Variants in HLCS observed in about 807,000 individuals in gnomAD.
The protein encoded by HLCS is holocarboxylase synthetase, also known as biotin--protein ligase.
HLCS carries 53 observed loss-of-function variants against 75.0 expected under a neutral mutation model. The ratio of observed to expected loss-of-function variants is 0.71; its 90% CI spans 0.57 to 0.89. The LOEUF (loss-of-function observed/expected upper bound fraction) is 0.89, where lower values mean the gene tolerates loss of function less well. HLCS is among the 40% of genes least tolerant of loss of function. HLCS has a pLI of 0.00. For synonymous variants in HLCS, 431 were observed against 428.6 expected, an observed-to-expected ratio of 1.01 and a Z score of -0.07; for missense variants, 966 against 1,074.0, an observed-to-expected ratio of 0.90 and a Z score of 1.41.
At chr21:36,893,177 TCTC>T (rs756357700) in intron 6 of HLCS, among the ~76,000 whole-genome samples, 5 of 152,040 alleles carry the variant, frequency 3.3e-5, no homozygotes, top group African/African-American at 4.8e-5. Context: ...TTCAAGCAAT[TCTC>T]CTGCCTCAGC....
rs1429564186 is a variant in HLCS at position 36,879,785 on chromosome 21, CT to C, written c.1892+17074del. The stretch of plus-strand genomic sequence containing the variant: ...GTTAGCCAAGCATGGTGGCACGCGC[CT>C]GTAGTCCCAGCTACTCAAGAGGCTG... On this transcript the variant is annotated intron_variant, in intron 6 of 10. Transcript: ENST00000674895. Among the ~76,000 whole-genome samples, 6 of 152,234 alleles carry C rather than the reference CT, an allele frequency of 3.9e-5. No individual in the cohort carries two copies. The East Asian group carries it at 9.7e-4, about 25-fold the overall frequency.
At position 36,751,203 on chromosome 21, in the gene HLCS, T is replaced by C. The variant is rs539444862; in HGVS notation, c.*3043A>G. Reference sequence around the variant, plus strand: ...GAGGGAGCCCAAACCACATAGAAAGTCTTAGTTTATTTTGGTAGACTTGCT... The same window carrying C: ...GAGGGAGCCCAAACCACATAGAAAGCCTTAGTTTATTTTGGTAGACTTGCT... On this transcript the variant is annotated 3_prime_UTR_variant, in exon 11 of 11. Coordinates refer to ENST00000674895, the MANE Select transcript of HLCS (RefSeq NM_001352514.2). 2 of 152,644 alleles carry C rather than the reference T, an allele frequency of 1.3e-5. No individual in the cohort carries two copies. Among genetic ancestry groups the C allele is most frequent in the Non-Finnish European group, 2.9e-5 (2 of 67,998 alleles). The allele number at this position is 152,644 out of a possible 1,614,324, so 9.5% of individuals were successfully genotyped here.
At chr21:36,954,430 T>A (rs554078371) in intron 2 of HLCS, among the ~76,000 whole-genome samples, 4 of 151,278 alleles carry the variant, frequency 2.6e-5, no homozygotes, top group Admixed American at 2.6e-4. Flanking sequence ...CTGGCTAACA[T>A]GGTGAAACCC....
At chr21:36,852,641 A>G (rs2063050238) in intron 6 of HLCS, among the ~76,000 whole-genome samples, 2 of 152,178 alleles carry the variant, frequency 1.3e-5, no homozygotes, top group Admixed American at 6.5e-5. Context: ...AGAGCCCAGC[A>G]CACCTCTCAG....
intron 6 of HLCS, among the ~76,000 whole-genome samples, chr21:36,872,557 T>C (rs980610329): frequency 1.3e-5 from 2 of 152,214 alleles, no homozygotes; most frequent in Admixed American, 6.5e-5. Context: ...TCTCCCACCA[T>C]AGATTAGATG....
intron 6 of HLCS, among the ~76,000 whole-genome samples, chr21:36,846,465 T>A (rs1203779482): frequency 2.6e-5 from 4 of 152,270 alleles, no homozygotes; most frequent in African/African-American, 9.6e-5. Flanking sequence ...TTCCCCTGAA[T>A]GTTTCTATTT....
rs2066592190 is a variant in HLCS, at chr21:36,930,497, CTTT to C, written c.1438-67_1438-65del. On this transcript the variant is annotated intron_variant, in intron 4 of 10. Coordinates refer to ENST00000674895, the MANE Select transcript of HLCS (RefSeq NM_001352514.2). Reference sequence around the variant, plus strand: ...TCACAGGCAATGAGAAAAACAGTTTCTTTTTTCTTTTTCTTTTTTTTTTTAAAT... The same window carrying C: ...TCACAGGCAATGAGAAAAACAGTTTCTTTCTTTTTCTTTTTTTTTTTAAAT... 7.5e-6 allele frequency: 10 copies of C among 1,327,084 alleles called. No individual in the cohort carries two copies. In the East Asian group the frequency reaches 2.3e-4, roughly 31 times the overall value. 82.2% of individuals were successfully genotyped at this position (1,327,084 alleles called of 1,614,324 possible).
chr21:36,914,136 G>C (rs2065831526), intron 5 of HLCS, among the ~76,000 whole-genome samples: 1 of 152,228 alleles, frequency 6.6e-6, no homozygotes, highest in Non-Finnish European at 1.5e-5. Context: ...GAAACATCCA[G>C]AGTTAGGAGC....
chr21:36,964,681 CG>C (rs2068474801), intron 1 of HLCS, among the ~76,000 whole-genome samples: 1 of 152,280 alleles, frequency 6.6e-6, no homozygotes, highest in East Asian at 1.9e-4. Context: ...ACTCCTACTC[CG>C]GCCTGCACAG....
chr21:36,764,137 G>A (rs537709639), intron 8 of HLCS, among the ~76,000 whole-genome samples: 68 of 152,344 alleles, frequency 4.5e-4, no homozygotes, highest in Admixed American at 1.6e-3. Context: ...GGTGGCTCAC[G>A]CCTGTAATCC....
chr21:36,763,250 C>T (rs1376863876), intron 8 of HLCS, among the ~76,000 whole-genome samples: 3 of 152,130 alleles, frequency 2.0e-5, no homozygotes, highest in Non-Finnish European at 2.9e-5. Context: ...GTCTCAAACT[C>T]CTGCCCTCCT....
intron 6 of HLCS, among the ~76,000 whole-genome samples, chr21:36,894,201 T>C (rs1010538094): frequency 5.3e-5 from 8 of 152,142 alleles, no homozygotes; most frequent in African/African-American, 1.9e-4. Flanking sequence ...TCTGCAACGA[T>C]TGTAAGTTTC....
chr21:36,914,435 C>A (rs1343073088), intron 5 of HLCS, among the ~76,000 whole-genome samples: 1 of 152,208 alleles, frequency 6.6e-6, no homozygotes, highest in East Asian at 1.9e-4. Context: ...ATGCCTGGGA[C>A]ACAGTAGGCA....
At chr21:36,903,322 C>A (rs2065316251) in intron 5 of HLCS, among the ~76,000 whole-genome samples, 1 of 152,150 alleles carries the variant, frequency 6.6e-6, no homozygotes, top group African/African-American at 2.4e-5. Context: ...AACCTCAAAT[C>A]TGGCCATTAG....
intron 6 of HLCS, among the ~76,000 whole-genome samples, chr21:36,860,356 C>A (rs987851459): frequency 2.6e-5 from 4 of 151,880 alleles, no homozygotes; most frequent in East Asian, 1.9e-4. Flanking sequence ...CAGGAAGCCA[C>A]ACCCCTCCAG....
chr21:36,932,011 G>A (rs1569209493), intron 4 of HLCS, among the ~76,000 whole-genome samples: 2 of 152,164 alleles, frequency 1.3e-5, no homozygotes, highest in Non-Finnish European at 1.5e-5. Context: ...CTGAGCAAGT[G>A]TGAGTACGGG....
intron 1 of HLCS, among the ~76,000 whole-genome samples, chr21:36,989,401 G>A (rs2069296729): frequency 6.9e-6 from 1 of 144,050 alleles, no homozygotes; most frequent in Non-Finnish European, 1.5e-5. Context: ...TCAGCTCACT[G>A]CAACCTCCAC....
At chr21:36,844,435 T>C (rs752682305) in intron 6 of HLCS, among the ~76,000 whole-genome samples, 10 of 152,138 alleles carry the variant, frequency 6.6e-5, no homozygotes, top group Non-Finnish European at 1.2e-4. Flanking sequence ...CTTAAACTGC[T>C]CTAAGAAGTG....
intron 6 of HLCS, among the ~76,000 whole-genome samples, chr21:36,833,866 C>A (rs114025241): frequency 6.6e-6 from 1 of 152,116 alleles, no homozygotes; most frequent in African/African-American, 2.4e-5. Context: ...GAGCTATGGA[C>A]GTGAGTTTTG....
Sources: allele counts gnomAD v4.1 joint callset (sites outside exome capture counted in the v4.1 genomes callset), GRCh38; gene constraint gnomAD v4.1.1; transcripts MANE v1.5; gene names NCBI Gene and HGNC (gene_info 2026-07-23, HGNC 2026-07-21).